SDK1: variants seen among roughly 807,000 people sequenced by gnomAD.
The protein encoded by SDK1 is sidekick cell adhesion molecule 1, also known as protein sidekick-1.
In SDK1, 157 loss-of-function variants were observed where a neutral mutation model predicts 245.5. The observed-to-expected ratio is 0.64, with a 90% CI of 0.56 to 0.73. The LOEUF (loss-of-function observed/expected upper bound fraction) is 0.73, where lower values mean the gene tolerates loss of function less well. Ranked by LOEUF, SDK1 falls within the 30% of genes least tolerant of loss-of-function variation. SDK1 has a pLI of 0.00. For missense variants in SDK1, 3,583 were observed against 3,002.3 expected (o/e 1.19, Z -4.52); for synonymous variants, 1,647 against 1,278.5 (o/e 1.29, Z -6.15).
chr7:3,758,351 A>G (rs80143176), intron 4 of SDK1, among the ~76,000 whole-genome samples: 4 of 152,326 alleles, frequency 2.6e-5, no homozygotes, highest in South Asian at 2.1e-4. Context: ...ATTTTTCTGT[A>G]AAGGAAATCT....
chr7:3,408,583 A>G (rs1317139709), intron 1 of SDK1, among the ~76,000 whole-genome samples: 2 of 152,176 alleles, frequency 1.3e-5, no homozygotes, highest in African/African-American at 4.8e-5. Context: ...TTGTTATTCA[A>G]GGGGATTTTA....
chr7:3,884,827 G>C (rs958327222), intron 5 of SDK1, among the ~76,000 whole-genome samples: 10 of 152,232 alleles, frequency 6.6e-5, no homozygotes, highest in African/African-American at 2.4e-4. Flanking sequence ...CTCAGCGTGA[G>C]TCATTACTGA....
intron 2 of SDK1, among the ~76,000 whole-genome samples, chr7:3,626,241 G>A (rs986058297): frequency 6.6e-6 from 1 of 151,994 alleles, no homozygotes; most frequent in African/African-American, 2.4e-5. Context: ...CTTCCAGACC[G>A]AAAGGATTTT....
intron 1 of SDK1, among the ~76,000 whole-genome samples, chr7:3,419,181 G>A (rs1779465705): frequency 6.6e-6 from 1 of 152,216 alleles, no homozygotes; most frequent in Admixed American, 6.5e-5. Flanking sequence ...AGCAAATCCT[G>A]TAAGGAATCA....
intron 4 of SDK1, among the ~76,000 whole-genome samples, chr7:3,722,917 TG>T (rs1353927539): frequency 1.3e-5 from 2 of 152,250 alleles, no homozygotes; most frequent in African/African-American, 4.8e-5. Context: ...AGAGCCAGCC[TG>T]AATCCTTGGT....
intron 20 of SDK1, among the ~76,000 whole-genome samples, chr7:4,074,798 G>T (rs1416765929): frequency 6.8e-6 from 1 of 147,056 alleles, no homozygotes; most frequent in Non-Finnish European, 1.5e-5. Context: ...AGTGGTTCAA[G>T]GTTGCAGTGA....
intron 4 of SDK1, among the ~76,000 whole-genome samples, chr7:3,758,624 T>C (rs191554980): frequency 5.6e-4 from 86 of 152,344 alleles, no homozygotes; most frequent in African/African-American, 8.2e-4. Context: ...CTTATCTTTT[T>C]CTTTTCTTGG....
intron 5 of SDK1, among the ~76,000 whole-genome samples, chr7:3,866,397 G>T (rs1323577414): frequency 6.6e-6 from 1 of 152,194 alleles, no homozygotes. Flanking sequence ...GATCATTCCA[G>T]AGAGTGATCT....
intron 2 of SDK1, among the ~76,000 whole-genome samples, chr7:3,626,693 G>A (rs916535243): frequency 1.3e-5 from 2 of 152,156 alleles, no homozygotes; most frequent in African/African-American, 4.8e-5. Context: ...AGTGATTAGA[G>A]TCATTTACCT....
chr7:3,668,398 C>G (rs1197420234), intron 4 of SDK1, among the ~76,000 whole-genome samples: 1 of 152,198 alleles, frequency 6.6e-6, no homozygotes, highest in Non-Finnish European at 1.5e-5. Flanking sequence ...CTACATGGAC[C>G]TCTCCATGGG....
At chr7:4,036,909 A>G (rs979357659) in intron 17 of SDK1, among the ~76,000 whole-genome samples, 6 of 152,186 alleles carry the variant, frequency 3.9e-5, no homozygotes, top group Admixed American at 2.0e-4. Flanking sequence ...AGCAGCCTGA[A>G]CTAAGTTGGT....
At chr7:4,176,589 C>G (rs1782227811) in intron 34 of SDK1, among the ~76,000 whole-genome samples, 1 of 152,208 alleles carries the variant, frequency 6.6e-6, no homozygotes, top group South Asian at 2.1e-4. Context: ...CACCATCATT[C>G]TCCAGAACTT....
At chr7:3,353,481 G>C (rs1780713376) in intron 1 of SDK1, among the ~76,000 whole-genome samples, 1 of 152,050 alleles carries the variant, frequency 6.6e-6, no homozygotes, top group Non-Finnish European at 1.5e-5. Flanking sequence ...ACCACTCCTG[G>C]GAATTATTAG....
In SDK1 at chr7:4,090,042, C is replaced by T. The variant is rs144882107; in HGVS notation, c.3324+10458C>T. On this transcript the variant is annotated intron_variant, in intron 22 of 44. Transcript: ENST00000404826. ...TGTCTTTAGGAGTCGTCCTAGGTGA[C>T]GCATTTTTGGCCAGAATGTGGGGGA... 3.9e-3 allele frequency among the ~76,000 whole-genome samples: 601 copies of T among 152,298 alleles called. 7 individuals carry two copies. Among genetic ancestry groups the T allele is most frequent in the South Asian group, 0.026 (127 of 4,822 alleles).
intron 4 of SDK1, among the ~76,000 whole-genome samples, chr7:3,783,710 A>G (rs987724169): frequency 2.0e-5 from 3 of 152,238 alleles, no homozygotes; most frequent in African/African-American, 7.2e-5. Flanking sequence ...AGTTGAAGAT[A>G]CAAATAAATG....
chr7:3,506,850 A>G (rs1782409656), intron 1 of SDK1, among the ~76,000 whole-genome samples: 1 of 151,922 alleles, frequency 6.6e-6, no homozygotes, highest in Admixed American at 6.6e-5. Context: ...TTTTTTAAAT[A>G]AACACACACA....
intron 1 of SDK1, among the ~76,000 whole-genome samples, chr7:3,369,003 G>A (rs1261929295): frequency 6.6e-6 from 1 of 151,920 alleles, no homozygotes; most frequent in Non-Finnish European, 1.5e-5. Context: ...GTTAGTAAGT[G>A]TCAATAATCA....
Position 4,210,049 on chromosome 7 carries a change from C to A in SDK1, c.5426C>A (p.Ala1809Glu). ...GCCCCTGGGGCCCCCAGCTTTCTGGCGTTCTCAGAAATAACCTCCACCACG... is the reference window on the plus strand; with the variant it reads ...GCCCCTGGGGCCCCCAGCTTTCTGGAGTTCTCAGAAATAACCTCCACCACG... ...QAAPGAPSFL[A>E]FSEITSTTLN... Residue 1809 changes from alanine (A) to glutamate (E), a missense_variant, in exon 38 of 45, where the codon GCG becomes GAG. By Grantham distance (107) the Ala-to-Glu change is moderately radical. Coordinates refer to ENST00000404826, the MANE Select transcript of SDK1 (RefSeq NM_152744.4). The A allele has an allele frequency of 6.3e-7, 1 of 1,593,508 alleles. No homozygotes were observed. Among genetic ancestry groups the A allele is most frequent in the South Asian group, 1.1e-5 (1 of 87,348 alleles).
intron 2 of SDK1, among the ~76,000 whole-genome samples, chr7:3,638,462 T>G (rs10227831): frequency 1 from 149,903 of 150,114 alleles, 74,846 homozygotes; most frequent in African/African-American, 1. Flanking sequence ...CCATAAAAAA[T>G]GATGAGTTCA....
Sources: gnomAD v4.1 joint callset for allele counts (sites outside exome capture counted in the v4.1 genomes callset) on GRCh38, gnomAD v4.1.1 for gene constraint, MANE v1.5 for transcripts, NCBI Gene and HGNC (gene_info 2026-07-23, HGNC 2026-07-21) for gene names.